SYNE1: variants seen among roughly 807,000 people sequenced by gnomAD.
SYNE1 encodes spectrin repeat containing nuclear envelope protein 1.
Under a neutral mutation model 1,111.0 loss-of-function variants are expected in SYNE1, and 616 were observed. That is an observed-to-expected ratio of 0.55 (90% CI 0.52 to 0.59). The LOEUF is 0.59. Ranked by LOEUF, SYNE1 falls within the 20% of genes least tolerant of loss-of-function variation. The pLI, the probability that SYNE1 is intolerant of heterozygous loss-of-function variation, is 0.00. For missense variants in SYNE1, 10,006 were observed against 10,417.0 expected, an observed-to-expected ratio of 0.96 and a Z score of 1.72; for synonymous variants, 3,855 against 3,825.8, an observed-to-expected ratio of 1.01 and a Z score of -0.28.
chr6:152,309,393 G>T (rs2095481113), intron 90 of SYNE1, among the ~76,000 whole-genome samples: 1 of 152,128 alleles, frequency 6.6e-6, no homozygotes, highest in Non-Finnish European at 1.5e-5. Context: ...ACTAGGCAAA[G>T]AGACTAAGAA....
At position 152,397,015 on chromosome 6, in the gene SYNE1, A is replaced by T. The variant is rs1353764585; in HGVS notation, c.7351-35T>A. 2.5e-6 allele frequency: 4 copies of T among 1,593,980 alleles called. No homozygotes were observed. In the South Asian group the frequency reaches 4.4e-5, roughly 18 times the overall value. On this transcript the variant is annotated intron_variant, in intron 49 of 145. Transcript: ENST00000367255. ...GAAATAAAGGTAATAGGTCCATGGG[A>T]CTATGCATTACAATTGTGAGCTGAA...
chr6:152,174,945 G>A (rs1307808204), intron 130 of SYNE1, among the ~76,000 whole-genome samples: 2 of 152,234 alleles, frequency 1.3e-5, no homozygotes, highest in Non-Finnish European at 2.9e-5. Context: ...TGTAACCCCA[G>A]CACTTCGGGA....
At chr6:152,370,135 T>C (rs1315105635) in intron 59 of SYNE1, among the ~76,000 whole-genome samples, 3 of 151,924 alleles carry the variant, frequency 2.0e-5, no homozygotes, top group Admixed American at 1.3e-4. Context: ...ATAGAATTTT[T>C]CCCCCCTAAC....
At chr6:152,301,056 G>C (rs1255731003) in intron 92 of SYNE1, among the ~76,000 whole-genome samples, 1 of 152,136 alleles carries the variant, frequency 6.6e-6, no homozygotes, top group African/African-American at 2.4e-5. Context: ...TCCTTTCTTT[G>C]GAGAGTTTGT....
At position 152,189,391 on chromosome 6, in the gene SYNE1, A is replaced by G. The variant is rs374073415; in HGVS notation, c.23162T>C (p.Val7721Ala). 8.7e-6 allele frequency: 14 copies of G among 1,613,942 alleles called. No homozygotes were observed. Among genetic ancestry groups the G allele is most frequent in the Middle Eastern group, 1.6e-4 (1 of 6,084 alleles). Residue 7721 changes from valine (V) to alanine (A), a missense_variant, in exon 128 of 146, where the codon GTT (valine) becomes GCT (alanine). Val to Ala is a moderately conservative substitution (Grantham distance 64, BLOSUM62 0). Transcript: ENST00000367255. ...QMRCKELENA[V>A]GSWTDDLTQL... ...GGTCAAGTCATCTGTCCAGCTCCCA[A>G]CTGCATTTTCTAATTCCTAAATAAA... is the stretch of plus-strand genomic sequence containing the variant.
chr6:152,363,311 A>G (rs868283588), intron 63 of SYNE1, among the ~76,000 whole-genome samples: 685 of 147,488 alleles, frequency 4.6e-3, no homozygotes, highest in Non-Finnish European at 6.5e-3. Flanking sequence ...TGGCTAACAC[A>G]GTGAAACCCC....
At chr6:152,605,012 GAGAGAGAGAGAGAGAGAGAGA>G (rs2099609323) in intron 3 of SYNE1, among the ~76,000 whole-genome samples, 1 of 46,924 alleles carries the variant, frequency 2.1e-5, no homozygotes, top group African/African-American at 1.1e-4. Context: ...AAGAAAGAGA[GAGAGAGAGAGAGAGAGAGAGA>G]GAGGGAGGGA....
Position 152,425,431 on chromosome 6 carries a change from C to CA in SYNE1, c.5216dup (p.Leu1739PhefsTer6). On this transcript the variant is annotated frameshift_variant, in exon 39 of 146. Transcript: ENST00000367255. LOFTEE classifies it high-confidence loss of function. ...CTCTCCATCTCTCATCCAACTGCTC[C>CA]AAATGTAGTTTCATCATTTTCACAT... 6.2e-7 allele frequency: 1 copy of CA among 1,614,162 alleles called. No individual in the cohort carries two copies. The highest frequency in any genetic ancestry group is 8.5e-7 in the Non-Finnish European group (1 of 1,180,014).
At chr6:152,589,904 C>G (rs1036289828) in intron 3 of SYNE1, among the ~76,000 whole-genome samples, 19 of 151,010 alleles carry the variant, frequency 1.3e-4, no homozygotes, top group African/African-American at 4.4e-4. Flanking sequence ...GCAGAGGAAC[C>G]AGAACCAATT....
chr6:152,152,342 T>C (rs1388279682), intron 133 of SYNE1, among the ~76,000 whole-genome samples: 1 of 152,114 alleles, frequency 6.6e-6, no homozygotes. Flanking sequence ...AGGGAGAATC[T>C]ATCAAAAAAT....
intron 3 of SYNE1, among the ~76,000 whole-genome samples, chr6:152,622,618 T>G (rs1168938759): frequency 6.6e-6 from 1 of 152,216 alleles, no homozygotes; most frequent in Non-Finnish European, 1.5e-5. Context: ...TATGGCTGCA[T>G]AGTATTCCAT....
At chr6:152,243,148 A>T (rs180713178) in intron 106 of SYNE1, among the ~76,000 whole-genome samples, 1 of 152,322 alleles carries the variant, frequency 6.6e-6, no homozygotes, top group East Asian at 1.9e-4. Context: ...ACTGTTGAAA[A>T]ACTGTCCATG....
At chr6:152,222,349 C>T (rs891312943) in intron 117 of SYNE1, among the ~76,000 whole-genome samples, 2 of 152,194 alleles carry the variant, frequency 1.3e-5, no homozygotes, top group African/African-American at 2.4e-5. Flanking sequence ...TGTTATGTAA[C>T]GTGCTATCTG....
At chr6:152,202,346 C>CAAAAAAAAAAAAAAAAAAAAAAA (rs35563822) in intron 126 of SYNE1, among the ~76,000 whole-genome samples, 4 of 48,054 alleles carry the variant, frequency 8.3e-5, no homozygotes, top group African/African-American at 1.3e-4. Flanking sequence ...GACTCTGTCT[C>CAAAAAAAAAAAAAAAAAAAAAAA]AAAAAAAAAA....
chr6:152,264,759 C>T (rs566715966), intron 100 of SYNE1, among the ~76,000 whole-genome samples: 2 of 152,182 alleles, frequency 1.3e-5, no homozygotes, highest in South Asian at 2.1e-4. Context: ...ATAATCACAC[C>T]ACTGCACTCC....
At chr6:152,429,621 T>C (rs1420450307) in intron 36 of SYNE1, among the ~76,000 whole-genome samples, 7 of 152,182 alleles carry the variant, frequency 4.6e-5, no homozygotes, top group Non-Finnish European at 1.0e-4. Flanking sequence ...TCCCCCTTTG[T>C]TCCTCCCCCT....
chr6:152,277,585 G>A (rs2153706939), intron 98 of SYNE1: 1 of 187,384 alleles, frequency 5.3e-6, no homozygotes, highest in East Asian at 1.3e-4. Context: ...ACGGCGCCCT[G>A]CCCACATTCC....
Position 152,364,730 on chromosome 6 carries a change from G to GGAAGGAAGGA in SYNE1, c.10145+116_10145+117insTCCTTCCTTC, listed in dbSNP as rs199700712. The GGAAGGAAGGA allele has an allele frequency of 5.2e-5, 36 of 689,402 alleles. 1 individual carries two copies. The highest frequency in any genetic ancestry group is 3.7e-4 in the African/African-American group (15 of 40,268). The allele number at this position is 689,402 out of a possible 1,614,324, so 42.7% of individuals were successfully genotyped here. On this transcript the variant is annotated intron_variant, in intron 63 of 145. Coordinates refer to ENST00000367255, the MANE Select transcript of SYNE1 (RefSeq NM_182961.4). ...GAAGGAAGGAAGGAAGGAAGGAAGG[G>GGAAGGAAGGA]AGGAAGGAAAGGAAAGGGAAGGGAA... is the stretch of plus-strand genomic sequence containing the variant.
chr6:152,559,756 G>C (rs1408149605), intron 3 of SYNE1, among the ~76,000 whole-genome samples: 3 of 152,018 alleles, frequency 2.0e-5, no homozygotes, highest in Non-Finnish European at 4.4e-5. Context: ...CCAAACTTAG[G>C]AGAAGGAAGG....
Sources: gnomAD v4.1 joint callset for allele counts (sites outside exome capture counted in the v4.1 genomes callset) on GRCh38, gnomAD v4.1.1 for gene constraint, MANE v1.5 for transcripts, NCBI Gene and HGNC (gene_info 2026-07-23, HGNC 2026-07-21) for gene names.